Variants in GATA6 observed in about 807,000 individuals in gnomAD.
GATA6 encodes GATA binding protein 6.
Under a neutral mutation model 48.1 loss-of-function variants are expected in GATA6, and 11 were observed. The observed-to-expected ratio is 0.23, with a 90% confidence interval of 0.14 to 0.38. The LOEUF (loss-of-function observed/expected upper bound fraction) is 0.38, where lower values mean the gene tolerates loss of function less well. GATA6 is among the 10% of genes least tolerant of loss of function. GATA6 has a pLI of 1.00. For missense variants in GATA6, 795 were observed against 850.3 expected, an observed-to-expected ratio of 0.93 and a Z score of 0.81; for synonymous variants, 419 against 396.1, an observed-to-expected ratio of 1.06 and a Z score of -0.69.
At chr18:22,177,378 C>A (rs1434922990) in intron 3 of GATA6, among the ~76,000 whole-genome samples, 1 of 152,210 alleles carries the variant, frequency 6.6e-6, no homozygotes, top group African/African-American at 2.4e-5. Flanking sequence ...CATGTTTACG[C>A]GCAGGGGATG....
chr18:22,171,537 C>G lies in GATA6; in HGVS notation c.393C>G (p.Ser131Arg). The G allele has an allele frequency of 6.2e-7, 1 of 1,604,102 alleles. No individual in the cohort carries two copies. Among genetic ancestry groups the G allele is most frequent in the Non-Finnish European group, 8.5e-7 (1 of 1,179,632 alleles). Reference protein sequence around the residue: ...AATASKLLWSSRGAKLSPFAP... With the variant: ...AATASKLLWSRRGAKLSPFAP... ...CCGCCAGCAAGCTGCTGTGGTCCAGCCGCGGCGCCAAGCTGAGCCCCTTCG... is the reference window on the plus strand; with the variant it reads ...CCGCCAGCAAGCTGCTGTGGTCCAGGCGCGGCGCCAAGCTGAGCCCCTTCG... The change falls in exon 2 of 7, where the codon AGC becomes AGG. Residue 131 changes from serine to arginine, a missense_variant. This residue lies in a region of GATA6 where 591 missense variants were observed against 570.0 expected (regional missense o/e 1.04). Transcript: ENST00000269216. This position sits in a 1 kb window ranked among gnomAD's most constrained non-coding sequence, Gnocchi z 7.1.
chr18:22,171,522 G>A lies in GATA6; in HGVS notation c.378G>A (p.Lys126=), dbSNP rs765356354. 6.2e-7 allele frequency: 1 copy of A among 1,603,800 alleles called. No individual in the cohort carries two copies. Among genetic ancestry groups the A allele is most frequent in the Non-Finnish European group, 8.5e-7 (1 of 1,179,644 alleles). Residue 126 remains lysine (K), a synonymous_variant, in exon 2 of 7, where the codon AAG becomes AAA. Transcript: ENST00000269216. The surrounding 1 kb of genome is among the most constrained non-coding windows in gnomAD (Gnocchi z 7.1). ...TDLDQAATAS[K]LLWSSRGAKL... is the part of the protein sequence containing the mutation. ...TCGACCAAGCCGCGACCGCCAGCAA[G>A]CTGCTGTGGTCCAGCCGCGGCGCCA...
intron 6 of GATA6, among the ~76,000 whole-genome samples, chr18:22,195,426 G>A (rs912703210): frequency 9.9e-5 from 15 of 152,030 alleles, no homozygotes; most frequent in African/African-American, 3.4e-4. Flanking sequence ...TGTGTTTCTG[G>A]TACTCATGTC....
rs1384236973 is a variant in GATA6 at position 22,185,855 on chromosome 18, C to T, written c.1620+2812C>T. 2.6e-5 allele frequency among the ~76,000 whole-genome samples: 4 copies of T among 152,116 alleles called. No homozygotes were observed. The highest frequency in any genetic ancestry group is 9.7e-5 in the African/African-American group (4 of 41,428). On this transcript the variant is annotated intron_variant, in intron 6 of 6. Transcript: ENST00000269216. The surrounding 1 kb of genome is among the most constrained non-coding windows in gnomAD (Gnocchi z 4.3). ...TGAGCCTTCATGTGTATGGCATGGCCCATGTGGCTGCCGAGTAGCTGTGAA... is the reference window on the plus strand; with the variant it reads ...TGAGCCTTCATGTGTATGGCATGGCTCATGTGGCTGCCGAGTAGCTGTGAA...
In GATA6 at chr18:22,172,045, G is replaced by A. The variant is rs2033058926; in HGVS notation, c.901G>A (p.Ala301Thr). ...GGVSGGGSSL[A>T]AMGGREPQYS... ...CGTGAGCGGCGGCGGCAGTAGCCTG[G>A]CGGCCATGGGCGGCCGCGAGCCCCA... Residue 301 changes from alanine to threonine, a missense_variant, in exon 2 of 7, where the codon GCG (alanine) becomes ACG (threonine). By Grantham distance (58) the Ala-to-Thr change is moderately conservative. This residue lies in a region of GATA6 where 591 missense variants were observed against 570.0 expected (regional missense o/e 1.04). Coordinates refer to ENST00000269216, the MANE Select transcript of GATA6 (RefSeq NM_005257.6). This position sits in a 1 kb window ranked among gnomAD's most constrained non-coding sequence, Gnocchi z 5.2. 2.4e-6 allele frequency: 3 copies of A among 1,264,072 alleles called. No individual in the cohort carries two copies. In the African/African-American group the frequency reaches 4.7e-5, roughly 20 times the overall value. The allele number at this position is 1,264,072 out of a possible 1,614,324, so 78.3% of individuals were successfully genotyped here.
Position 22,170,666 on chromosome 18 carries a change from A to G in GATA6, c.-37-442A>G, listed in dbSNP as rs970333261. 1.3e-5 allele frequency among the ~76,000 whole-genome samples: 2 copies of G among 152,144 alleles called. No individual in the cohort carries two copies. Among genetic ancestry groups the G allele is most frequent in the Non-Finnish European group, 2.9e-5 (2 of 68,012 alleles). ...TTTCGGGAGAGGGGCATCCGCAGAG[A>G]GGCGGGATGCGGCGGTGCCGACACG... On this transcript the variant is annotated intron_variant, in intron 1 of 6. Transcript: ENST00000269216. The surrounding 1 kb of genome is among the most constrained non-coding windows in gnomAD (Gnocchi z 6.7).
Position 22,172,206 on chromosome 18 carries a change from C to G in GATA6, c.1062C>G (p.Phe354Leu), listed in dbSNP as rs1168639655. The G allele has an allele frequency of 6.5e-7, 1 of 1,533,586 alleles. No individual in the cohort carries two copies. Among genetic ancestry groups the G allele is most frequent in the African/African-American group, 1.4e-5 (1 of 72,890 alleles). 95.0% of individuals were successfully genotyped at this position (1,533,586 alleles called of 1,614,324 possible). A position where few individuals can be genotyped will look rare whatever the true frequency, so the allele number is the denominator to read the frequency against. ...CGCCTGCCTGGCCCGCCGGACCCTT[C>G]GAGACCCCGGTGCTGCACAGCCTGC... ...PLTPAWPAGP[F>L]ETPVLHSLQS... The change falls in exon 2 of 7, where the codon TTC becomes TTG. Residue 354 changes from phenylalanine to leucine, a missense_variant. Phe to Leu is a conservative substitution (Grantham distance 22). Coordinates refer to ENST00000269216, the MANE Select transcript of GATA6 (RefSeq NM_005257.6). This position sits in a 1 kb window ranked among gnomAD's most constrained non-coding sequence, Gnocchi z 5.2.
intron 2 of GATA6, chr18:22,175,679 A>G (rs1356437232): frequency 6.6e-6 from 1 of 152,244 alleles, no homozygotes; most frequent in African/African-American, 2.4e-5. Flanking sequence ...AATAGTATTA[A>G]TGGAATTAAA....
rs1396854569 is a variant in GATA6, at chr18:22,185,108, TC to T, written c.1620+2066del. Among the ~76,000 whole-genome samples, 1 of 152,174 alleles carries T rather than the reference TC, an allele frequency of 6.6e-6. No homozygotes were observed. The highest frequency in any genetic ancestry group is 1.5e-5 in the Non-Finnish European group (1 of 68,036). ...CAAAATTTGCTATTAGCAAGTCCTA[TC>T]GGTTGCTGTCCAGCGAAAGGAGTGA... On this transcript the variant is annotated intron_variant, in intron 6 of 6. Coordinates refer to ENST00000269216, the MANE Select transcript of GATA6 (RefSeq NM_005257.6). The surrounding 1 kb of genome is among the most constrained non-coding windows in gnomAD (Gnocchi z 4.3).
chr18:22,176,883 T>C, intron 2 of GATA6, 72 bp from the exon 3 acceptor site: 1 of 1,479,546 alleles, frequency 6.8e-7, no homozygotes, highest in South Asian at 1.3e-5. Context: ...GGGGCCGGGG[T>C]CCCCGGGGTG....
intron 6 of GATA6, among the ~76,000 whole-genome samples, chr18:22,200,176 A>T (rs1055946300): frequency 2.7e-5 from 4 of 150,366 alleles, no homozygotes; most frequent in Admixed American, 6.6e-5. Flanking sequence ...GCCTTGTTAG[A>T]GTGTGTGTGT....
At chr18:22,180,860 C>T (rs2033185474) in intron 3 of GATA6, among the ~76,000 whole-genome samples, 1 of 151,858 alleles carries the variant, frequency 6.6e-6, no homozygotes, top group Non-Finnish European at 1.5e-5. Context: ...CCATTTAGCA[C>T]ATTAGCAAGT....
intron 6 of GATA6, among the ~76,000 whole-genome samples, chr18:22,193,951 G>A (rs1399650707): frequency 6.6e-6 from 1 of 152,096 alleles, no homozygotes; most frequent in Non-Finnish European, 1.5e-5. Flanking sequence ...CCCATTATGG[G>A]ATGTGCGAAA....
intron 4 of GATA6, 95 bp from the exon 5 acceptor site, chr18:22,182,662 A>G: frequency 2.1e-6 from 2 of 933,692 alleles, no homozygotes; most frequent in South Asian, 3.0e-5. Flanking sequence ...TCGGCCGCCA[A>G]ATTCTTTTAA....
At chr18:22,193,515 G>C (rs1485832201) in intron 6 of GATA6, among the ~76,000 whole-genome samples, 1 of 152,206 alleles carries the variant, frequency 6.6e-6, no homozygotes, top group Non-Finnish European at 1.5e-5. Context: ...AAGCAGAGAA[G>C]AGCTTTGGCA....
intron 6 of GATA6, among the ~76,000 whole-genome samples, chr18:22,197,836 C>G (rs2033410228): frequency 6.6e-6 from 1 of 152,110 alleles, no homozygotes; most frequent in Admixed American, 6.5e-5. Context: ...GGTTCCTTGC[C>G]CAGGAGTCCT....
intron 6 of GATA6, among the ~76,000 whole-genome samples, chr18:22,187,590 GTT>G (rs11357737): frequency 6.6e-6 from 1 of 151,204 alleles, no homozygotes; most frequent in Admixed American, 6.6e-5. Flanking sequence ...GTATTTTATA[GTT>G]TTTTTTGGTT....
At chr18:22,197,784 G>A (rs77133482) in intron 6 of GATA6, among the ~76,000 whole-genome samples, 1 of 151,676 alleles carries the variant, frequency 6.6e-6, no homozygotes, top group Non-Finnish European at 1.5e-5. Flanking sequence ...GAGAGTCCAA[G>A]CTGCTTCCCC....
At chr18:22,173,622 T>A (rs894403160) in intron 2 of GATA6, among the ~76,000 whole-genome samples, 2 of 152,124 alleles carry the variant, frequency 1.3e-5, no homozygotes, top group Non-Finnish European at 1.5e-5. Context: ...ATAGCCTGAG[T>A]TCTTTCTGTC....
Sources: gnomAD v4.1 joint callset for allele counts (sites outside exome capture counted in the v4.1 genomes callset) on GRCh38, gnomAD v4.1.1 for gene constraint, gnomAD v4.1.1 regional missense constraint, Gnocchi (gnomAD v3.1) non-coding constraint, MANE v1.5 for transcripts, NCBI Gene and HGNC (gene_info 2026-07-23, HGNC 2026-07-21) for gene names.